Variants in STXBP4 observed in about 807,000 individuals in gnomAD.
STXBP4 encodes the protein syntaxin binding protein 4.
Under a neutral mutation model 76.1 loss-of-function variants are expected in STXBP4, and 55 were observed. That is an observed-to-expected ratio of 0.72 (90% CI 0.58 to 0.91). STXBP4 has a LOEUF of 0.91. Among genes scored for constraint, STXBP4 ranks in the 40% least tolerant of loss-of-function variants. The pLI, the probability that STXBP4 is intolerant of heterozygous loss-of-function variation, is 0.00. For missense variants in STXBP4, 618 were observed against 636.9 expected (o/e 0.97, Z 0.32); for synonymous variants, 201 against 220.2 (o/e 0.91, Z 0.77).
intron 17 of STXBP4, among the ~76,000 whole-genome samples, chr17:55,148,139 C>T (rs1372677076): frequency 6.6e-6 from 1 of 152,208 alleles, no homozygotes; most frequent in Non-Finnish European, 1.5e-5. Context: ...TGGTTTCTCT[C>T]ATTTCTCTCC....
the STXBP4 span, among the ~76,000 whole-genome samples, chr17:55,186,335 G>A: frequency 6.6e-6 from 1 of 152,138 alleles, no homozygotes; most frequent in Admixed American, 6.5e-5. Context: ...AAAAGCTCTA[G>A]CTATATTTCA....
chr17:55,004,568 G>A lies in STXBP4; in HGVS notation c.575-2938G>A, dbSNP rs117070915. ...ATTAAAAAATTAGCTGGGCATGGTG[G>A]CATACACCTGTGGTTCCAGCTACTT... On this transcript the variant is annotated intron_variant, in intron 7 of 17. Coordinates refer to ENST00000376352, the MANE Select transcript of STXBP4 (RefSeq NM_178509.6). Among the ~76,000 whole-genome samples the A allele has an allele frequency of 3.2e-3, 489 of 152,134 alleles. 12 individuals carry two copies. Among genetic ancestry groups the A allele is most frequent in the East Asian group, 0.026 (131 of 5,136 alleles).
chr17:55,094,291 T>C (rs2079455540), intron 16 of STXBP4, among the ~76,000 whole-genome samples: 1 of 151,120 alleles, frequency 6.6e-6, no homozygotes. Context: ...TACTAAGGAG[T>C]TTGGATTTTA....
chr17:55,121,637 A>G (rs1238311474), intron 16 of STXBP4, among the ~76,000 whole-genome samples: 1 of 151,996 alleles, frequency 6.6e-6, no homozygotes, highest in Non-Finnish European at 1.5e-5. Flanking sequence ...TCTATGGCAG[A>G]CTTGGTGTTT....
intron 17 of STXBP4, among the ~76,000 whole-genome samples, chr17:55,145,762 T>C (rs1187584688): frequency 1.3e-5 from 2 of 152,184 alleles, no homozygotes; most frequent in East Asian, 3.8e-4. Flanking sequence ...CCAATGTATA[T>C]ATGCATATAT....
intron 8 of STXBP4, among the ~76,000 whole-genome samples, chr17:55,016,078 AG>A (rs1358973773): frequency 2.0e-5 from 3 of 152,084 alleles, no homozygotes; most frequent in African/African-American, 7.2e-5. Flanking sequence ...TGCCTTGGAG[AG>A]AACATTTCTC....
chr17:55,081,282 C>A, intron 16 of STXBP4, 99 bp downstream of exon 16: 1 of 875,698 alleles, frequency 1.1e-6, no homozygotes, highest in South Asian at 3.3e-5. Flanking sequence ...TTGCCTACAG[C>A]AAAGTTGATA....
At chr17:55,120,505 G>A (rs1023651765) in intron 16 of STXBP4, among the ~76,000 whole-genome samples, 5 of 152,278 alleles carry the variant, frequency 3.3e-5, no homozygotes, top group South Asian at 2.1e-4. Context: ...CATCAGATAG[G>A]AAAAATAGGA....
At chr17:55,040,046 A>T (rs375293693) in intron 10 of STXBP4, among the ~76,000 whole-genome samples, 3 of 152,128 alleles carry the variant, frequency 2.0e-5, no homozygotes, top group African/African-American at 4.8e-5. Context: ...GAACCTCCCA[A>T]ACCCCCTTTC....
the STXBP4 span, among the ~76,000 whole-genome samples, chr17:55,196,772 G>A: frequency 6.6e-6 from 1 of 152,170 alleles, no homozygotes; most frequent in East Asian, 1.9e-4. Flanking sequence ...AATGTTCTAA[G>A]AATAGCCCAC....
chr17:55,023,826 A>G (rs1269772999), intron 8 of STXBP4, among the ~76,000 whole-genome samples: 4 of 149,114 alleles, frequency 2.7e-5, no homozygotes, highest in Admixed American at 6.8e-5. Flanking sequence ...CAGTTTTAAC[A>G]TGGCCTCAAG....
intron 8 of STXBP4, among the ~76,000 whole-genome samples, chr17:55,012,857 C>T (rs1367879416): frequency 6.6e-6 from 1 of 152,184 alleles, no homozygotes; most frequent in African/African-American, 2.4e-5. Context: ...AAGGTCCCCT[C>T]GAGTGGCATA....
At chr17:55,143,443 A>C (rs1344393104) in intron 17 of STXBP4, among the ~76,000 whole-genome samples, 1 of 152,198 alleles carries the variant, frequency 6.6e-6, no homozygotes, top group African/African-American at 2.4e-5. Flanking sequence ...TCAGAATCTA[A>C]CTAGTGCCTT....
intron 12 of STXBP4, among the ~76,000 whole-genome samples, chr17:55,070,901 A>G (rs962052909): frequency 2.6e-5 from 4 of 152,202 alleles, no homozygotes; most frequent in Non-Finnish European, 4.4e-5. Context: ...AAGTTGAGAC[A>G]GAAAAGGAGA....
At chr17:55,026,524 A>G (rs1433107974) in intron 8 of STXBP4, among the ~76,000 whole-genome samples, 2 of 152,188 alleles carry the variant, frequency 1.3e-5, no homozygotes, top group Non-Finnish European at 2.9e-5. Context: ...AGCCTACACT[A>G]TGAGCCAGCC....
At chr17:55,126,898 G>A (rs1422270969) in intron 16 of STXBP4, among the ~76,000 whole-genome samples, 6 of 152,180 alleles carry the variant, frequency 3.9e-5, no homozygotes, top group Admixed American at 3.9e-4. Flanking sequence ...AAGATGAAAG[G>A]AAGATTGCAG....
At chr17:55,201,583 A>C in the STXBP4 span, among the ~76,000 whole-genome samples, 3 of 152,222 alleles carry the variant, frequency 2.0e-5, no homozygotes, top group Non-Finnish European at 2.9e-5. Context: ...TCTCATTCCC[A>C]TCAGCTTCCA....
At position 55,148,561 on chromosome 17, in the gene STXBP4, C is replaced by T. The variant is rs1055719853; in HGVS notation, c.1547+7194C>T. Among the ~76,000 whole-genome samples, 4 of 149,288 alleles carry T rather than the reference C, an allele frequency of 2.7e-5. 1 individual carries two copies. The highest frequency in any genetic ancestry group is 3.9e-4 in the East Asian group (2 of 5,106). ...TTTTTTTTTTTTCTTTTTTTTGAGA[C>T]GAAGTCTCGCTCTGTCACCCAGGCT... On this transcript the variant is annotated intron_variant, in intron 17 of 17. Coordinates refer to ENST00000376352, the MANE Select transcript of STXBP4 (RefSeq NM_178509.6).
chr17:55,014,695 A>AT (rs1454655045), intron 8 of STXBP4, among the ~76,000 whole-genome samples: 9 of 152,160 alleles, frequency 5.9e-5, no homozygotes, highest in Non-Finnish European at 1.3e-4. Flanking sequence ...TCTGACTCAG[A>AT]GGACCTTCAT....
Sources: gnomAD v4.1 joint callset for allele counts (sites outside exome capture counted in the v4.1 genomes callset) on GRCh38, gnomAD v4.1.1 for gene constraint, MANE v1.5 for transcripts, NCBI Gene and HGNC (gene_info 2026-07-23, HGNC 2026-07-21) for gene names.